The following TUT4 variants were observed in gnomAD, a reference collection of about 807,000 sequenced individuals.
The protein encoded by TUT4 is terminal uridylyltransferase 4.
Under a neutral mutation model 192.2 loss-of-function variants are expected in TUT4, and 36 were observed. That is an observed-to-expected ratio of 0.19 (90% CI 0.14 to 0.25). TUT4 has a LOEUF of 0.25. Ranked by LOEUF, TUT4 falls within the 10% of genes least tolerant of loss-of-function variation. The pLI is 1.00. For missense variants in TUT4, 1,493 were observed against 1,957.2 expected (o/e 0.76, Z 4.47); for synonymous variants, 618 against 666.0 (o/e 0.93, Z 1.11).
chr1:52,517,153 G>A (rs529555542), intron 2 of TUT4, among the ~76,000 whole-genome samples: 1 of 152,266 alleles, frequency 6.6e-6, no homozygotes, highest in South Asian at 2.1e-4. Flanking sequence ...AAGCCAGTCT[G>A]ACATTCTCTT....
chr1:52,529,570 A>C (rs1175056959), intron 1 of TUT4, among the ~76,000 whole-genome samples: 4 of 152,200 alleles, frequency 2.6e-5, no homozygotes, highest in Admixed American at 2.6e-4. Context: ...TGCTATAACG[A>C]TTCTTTAATA....
chr1:52,513,826 G>A (rs915987141), intron 3 of TUT4, among the ~76,000 whole-genome samples: 16 of 151,954 alleles, frequency 1.1e-4, no homozygotes, highest in African/African-American at 2.9e-4. Flanking sequence ...TTTTTAAAAC[G>A]TCAGGTACTA....
chr1:52,434,822 GGAGT>G (rs1287919086), intron 27 of TUT4: 2 of 151,888 alleles, frequency 1.3e-5, no homozygotes, highest in African/African-American at 4.8e-5. Context: ...CCTAGGCAAT[GGAGT>G]GAGACTCCAT....
intron 15 of TUT4, 119 bp downstream of exon 15, chr1:52,468,062 T>C: frequency 1.4e-6 from 1 of 722,078 alleles, no homozygotes. Context: ...TAGCACTGTA[T>C]TCCCAGCAAC....
At chr1:52,522,719 A>G (rs987947228) in intron 2 of TUT4, among the ~76,000 whole-genome samples, 2 of 152,088 alleles carry the variant, frequency 1.3e-5, no homozygotes, top group African/African-American at 4.8e-5. Flanking sequence ...TGAGGTCAGG[A>G]GTCTGAGATC....
intron 1 of TUT4, among the ~76,000 whole-genome samples, chr1:52,538,823 T>C (rs1156452880): frequency 1.3e-5 from 2 of 152,214 alleles, no homozygotes; most frequent in African/African-American, 4.8e-5. Flanking sequence ...GTGCAATTCA[T>C]ATCTCCTTTT....
chr1:52,464,992 A>T (rs767378946), intron 16 of TUT4, 78 bp downstream of exon 16: 4 of 1,089,918 alleles, frequency 3.7e-6, no homozygotes, highest in Non-Finnish European at 5.3e-6. Flanking sequence ...CATTTTTATC[A>T]ATATCACATA....
intron 28 of TUT4, among the ~76,000 whole-genome samples, chr1:52,427,123 A>G (rs575363810): frequency 6.6e-6 from 1 of 152,244 alleles, no homozygotes; most frequent in East Asian, 1.9e-4. Flanking sequence ...ACAAAAAACA[A>G]TTTTTTGCTT....
At chr1:52,503,221 G>A (rs1312216695) in intron 4 of TUT4, among the ~76,000 whole-genome samples, 9 of 151,992 alleles carry the variant, frequency 5.9e-5, no homozygotes, top group Non-Finnish European at 1.2e-4. Context: ...AATATTTATG[G>A]AACAACTATA....
Position 52,506,070 on chromosome 1 carries a change from A to C in TUT4, c.999+3526T>G, listed in dbSNP as rs191799007. 8.3e-3 allele frequency among the ~76,000 whole-genome samples: 1,262 copies of C among 151,758 alleles called. 12 individuals carry two copies. The highest frequency in any genetic ancestry group is 0.011 in the Non-Finnish European group (767 of 67,994). ...TAACCTCAGGTGATCCGCCCTCCTC[A>C]GCCTCCCAAAGTGCTAGGATTACAG... is the stretch of plus-strand genomic sequence containing the variant. On this transcript the variant is annotated intron_variant, in intron 4 of 29. Coordinates refer to ENST00000257177, the MANE Select transcript of TUT4 (RefSeq NM_001009881.3).
In TUT4 at chr1:52,542,768, TA is replaced by T. The variant is rs200479932; in HGVS notation, c.-94+10162del. On this transcript the variant is annotated intron_variant, in intron 1 of 29. Transcript: ENST00000257177. ...ATTTCTTTTTATTTATTTATTTATT[TA>T]TTTTTTTTTGAGGCAGAGTTTCACT... Among the ~76,000 whole-genome samples, 241 of 151,516 alleles carry T rather than the reference TA, an allele frequency of 1.6e-3. 1 individual carries two copies. Among genetic ancestry groups the T allele is most frequent in the African/African-American group, 5.4e-3 (220 of 41,082 alleles).
At chr1:52,491,995 T>C (rs1262541687) in intron 7 of TUT4, among the ~76,000 whole-genome samples, 1 of 152,206 alleles carries the variant, frequency 6.6e-6, no homozygotes, top group Non-Finnish European at 1.5e-5. Context: ...CTGAGTTTTA[T>C]AAGCCTACAT....
chr1:52,484,262 ATAAAAAATACAAAT>A (rs1300057338), intron 9 of TUT4, among the ~76,000 whole-genome samples: 1 of 152,208 alleles, frequency 6.6e-6, no homozygotes, highest in Non-Finnish European at 1.5e-5. Context: ...TAGCAATATA[ATAAAAAATACAAAT>A]TAAAAAATAC....
At chr1:52,543,359 C>T (rs1033922369) in intron 1 of TUT4, among the ~76,000 whole-genome samples, 1 of 151,892 alleles carries the variant, frequency 6.6e-6, no homozygotes, top group African/African-American at 2.4e-5. Context: ...GAATAAAGTA[C>T]TAAGGAATTA....
intron 2 of TUT4, among the ~76,000 whole-genome samples, chr1:52,518,032 T>C (rs1679173117): frequency 6.6e-6 from 1 of 152,044 alleles, no homozygotes; most frequent in Admixed American, 6.5e-5. Context: ...TAAAACAAAA[T>C]AATACCAGGC....
chr1:52,539,661 C>T (rs1432693278), intron 1 of TUT4, among the ~76,000 whole-genome samples: 5 of 151,950 alleles, frequency 3.3e-5, no homozygotes, highest in East Asian at 3.9e-4. Context: ...GAGGCCGAGG[C>T]GGCCTGAAAT....
At chr1:52,496,975 T>G in intron 5 of TUT4, 31 bp downstream of exon 5, 1 of 1,602,220 alleles carries the variant, frequency 6.2e-7, no homozygotes, top group Non-Finnish European at 8.5e-7. Context: ...GTTTTGTGAT[T>G]TTCAAAATCA....
Position 52,436,888 on chromosome 1 carries a change from G to A in TUT4, c.4029C>T (p.Pro1343=). The A allele has an allele frequency of 6.2e-7, 1 of 1,613,646 alleles. No homozygotes were observed. Among genetic ancestry groups the A allele is most frequent in the East Asian group, 2.2e-5 (1 of 44,880 alleles). The change falls in exon 26 of 30, where the codon CCC becomes CCT. Residue 1343 remains proline, a synonymous_variant. Transcript: ENST00000257177. ...EEKDSRDVLD[P]RDLHDTRDFR... ...AGTCTCGAGTATCGTGGAGGTCTCG[G>A]GGGTCAAGAACATCTCGGGAATCTT...
chr1:52,476,232 A>G (rs915829967), intron 12 of TUT4, among the ~76,000 whole-genome samples: 2 of 152,228 alleles, frequency 1.3e-5, no homozygotes, highest in East Asian at 1.9e-4. Context: ...ACTTGAAAAA[A>G]AACTGATTTT....
Sources: allele counts gnomAD v4.1 joint callset (sites outside exome capture counted in the v4.1 genomes callset), GRCh38; gene constraint gnomAD v4.1.1; transcripts MANE v1.5; gene names NCBI Gene and HGNC (gene_info 2026-07-23, HGNC 2026-07-21).